Variants in RABL3 observed in about 807,000 individuals in gnomAD.
RABL3 encodes rab-like protein 3.
Under a neutral mutation model 31.8 loss-of-function variants are expected in RABL3, and 31 were observed. The observed-to-expected ratio is 0.97, with a 90% CI of 0.73 to 1.31. The LOEUF is 1.31. Ranked by LOEUF, RABL3 falls within the 40% of genes most tolerant of loss-of-function variation. The probability of loss-of-function intolerance (pLI) is 0.00; values close to 1 mark genes in which losing one functional copy is unlikely to be tolerated. For missense variants in RABL3, 263 were observed against 279.6 expected (o/e 0.94, Z 0.42); for synonymous variants, 97 against 99.9 (o/e 0.97, Z 0.18).
At chr3:120,719,018 G>A (rs188979798) in intron 2 of RABL3, among the ~76,000 whole-genome samples, 50 of 152,228 alleles carry the variant, frequency 3.3e-4, no homozygotes, top group Admixed American at 2.9e-3. Context: ...CACACTTACT[G>A]TTGGAGATTA....
chr3:120,705,845 A>C (rs1708541765), intron 4 of RABL3, among the ~76,000 whole-genome samples, 155 bp downstream of exon 4: 1 of 152,224 alleles, frequency 6.6e-6, no homozygotes, highest in Non-Finnish European at 1.5e-5. Flanking sequence ...CAAAATGAAA[A>C]CTATTGCTTT....
chr3:120,733,358 CTTCTT>C (rs1328779009), intron 1 of RABL3, among the ~76,000 whole-genome samples: 2 of 152,048 alleles, frequency 1.3e-5, no homozygotes, highest in African/African-American at 4.8e-5. Flanking sequence ...GCATAAATGT[CTTCTT>C]TTGAGAAGTG....
chr3:120,742,400 G>T lies in RABL3; in HGVS notation c.46+62C>A, dbSNP rs368296734. 1.4e-4 allele frequency: 206 copies of T among 1,506,124 alleles called. 2 individuals are homozygous for T. The African/African-American group carries it at 2.5e-3, about 18-fold the overall frequency. 93.3% of individuals were successfully genotyped at this position (1,506,124 alleles called of 1,614,324 possible). A position where few individuals can be genotyped will look rare whatever the true frequency, so the allele number is the denominator to read the frequency against. ...CAGGAAGTTGAGGGAAGGAAGCTAA[G>T]GGGAGGGTTACTGGGTAACTCAAAA... On this transcript the variant is annotated intron_variant, in intron 1 of 7. Coordinates refer to ENST00000273375, the MANE Select transcript of RABL3 (RefSeq NM_173825.5).
intron 2 of RABL3, among the ~76,000 whole-genome samples, chr3:120,727,913 G>A (rs1251529358): frequency 6.6e-6 from 1 of 152,098 alleles, no homozygotes; most frequent in Non-Finnish European, 1.5e-5. Flanking sequence ...ATTGTAATAG[G>A]AATAGAAGGA....
chr3:120,716,702 T>C (rs1410713203), intron 2 of RABL3, among the ~76,000 whole-genome samples: 1 of 152,054 alleles, frequency 6.6e-6, no homozygotes, highest in Non-Finnish European at 1.5e-5. Flanking sequence ...TCTACACTAA[T>C]TCTGGAGATC....
rs185691032 is a variant in RABL3, at chr3:120,720,311, G to A, written c.138+10385C>T. Among the ~76,000 whole-genome samples the A allele has an allele frequency of 3.3e-3, 501 of 152,288 alleles. 2 individuals carry two copies. The highest frequency in any genetic ancestry group is 0.011 in the African/African-American group (466 of 41,566). On this transcript the variant is annotated intron_variant, in intron 2 of 7. Coordinates refer to ENST00000273375, the MANE Select transcript of RABL3 (RefSeq NM_173825.5). ...CTCCAAAGGAACGCAGCTCATCACCGACAATGGAGCAAAGCTGGATGGAGA... is the reference window on the plus strand; with the variant it reads ...CTCCAAAGGAACGCAGCTCATCACCAACAATGGAGCAAAGCTGGATGGAGA...
chr3:120,699,621 T>A (rs994352214), intron 4 of RABL3, among the ~76,000 whole-genome samples: 51 of 152,196 alleles, frequency 3.4e-4, no homozygotes, highest in African/African-American at 1.2e-3. Context: ...ATAGCTTTTT[T>A]TCTTCCTTTA....
intron 3 of RABL3, among the ~76,000 whole-genome samples, chr3:120,708,076 A>G (rs912040630): frequency 6.6e-6 from 1 of 152,060 alleles, no homozygotes; most frequent in Non-Finnish European, 1.5e-5. Flanking sequence ...GTGCATTTGG[A>G]TAGAGTGATC....
chr3:120,699,012 G>A (rs548870790), intron 4 of RABL3, among the ~76,000 whole-genome samples: 4 of 152,158 alleles, frequency 2.6e-5, no homozygotes, highest in Admixed American at 6.5e-5. Context: ...CAAGCCTTGT[G>A]CTAGAAGAGA....
intron 5 of RABL3, among the ~76,000 whole-genome samples, chr3:120,695,677 T>C (rs1474584813): frequency 6.6e-6 from 1 of 152,142 alleles, no homozygotes; most frequent in East Asian, 1.9e-4. Flanking sequence ...TTTGAAATAG[T>C]GTTTGAACAC....
chr3:120,718,365 T>C (rs989558301), intron 2 of RABL3, among the ~76,000 whole-genome samples: 1 of 152,196 alleles, frequency 6.6e-6, no homozygotes, highest in South Asian at 2.1e-4. Context: ...AAATCTGCCT[T>C]CTTTAGATGC....
chr3:120,690,589 G>T, intron 6 of RABL3, 102 bp from the exon 7 acceptor site: 1 of 785,758 alleles, frequency 1.3e-6, no homozygotes, highest in South Asian at 1.6e-5. Context: ...TCCAAACTAA[G>T]AATCTTTTCC....
rs1277999263 is a variant in RABL3, at chr3:120,685,585, C to T, written c.*4238G>A. On this transcript the variant is annotated 3_prime_UTR_variant, in exon 8 of 8. Transcript: ENST00000273375. The stretch of plus-strand genomic sequence containing the variant: ...GAAAGACAAATACTTGTTTTGCCAA[C>T]AGAAGACATGACAATCATCTCATGT... Among the ~76,000 whole-genome samples the T allele has an allele frequency of 1.3e-5, 2 of 152,172 alleles. No individual in the cohort carries two copies. Among genetic ancestry groups the T allele is most frequent in the Non-Finnish European group, 2.9e-5 (2 of 68,030 alleles).
intron 4 of RABL3, among the ~76,000 whole-genome samples, chr3:120,705,711 A>G (rs1007232940): frequency 1.3e-5 from 2 of 152,198 alleles, no homozygotes; most frequent in Non-Finnish European, 2.9e-5. Flanking sequence ...AAAATGTAAA[A>G]CCATAAAATC....
chr3:120,700,903 T>A (rs986525436), intron 4 of RABL3, among the ~76,000 whole-genome samples: 2 of 152,086 alleles, frequency 1.3e-5, no homozygotes, highest in African/African-American at 4.8e-5. Context: ...TTAAAAAAAG[T>A]TATTGTGGTA....
chr3:120,723,498 AAG>A (rs1224093523), intron 2 of RABL3, among the ~76,000 whole-genome samples: 4 of 152,210 alleles, frequency 2.6e-5, no homozygotes, highest in Admixed American at 2.0e-4. Context: ...ACAACAAAAA[AAG>A]AGAATTTTTG....
chr3:120,685,494 A>C lies in RABL3; in HGVS notation c.*4329T>G, dbSNP rs750486503. 4.2e-4 allele frequency among the ~76,000 whole-genome samples: 63 copies of C among 148,862 alleles called. No homozygotes were observed. Among genetic ancestry groups the C allele is most frequent in the Middle Eastern group, 7.0e-3 (2 of 286 alleles). ...GGCAAGGCACTGGTTAGAAATAAAT[A>C]TATTTGGATTAAAAACAGAACCCAG... On this transcript the variant is annotated 3_prime_UTR_variant, in exon 8 of 8. Coordinates refer to ENST00000273375, the MANE Select transcript of RABL3 (RefSeq NM_173825.5).
At chr3:120,742,433 G>A (rs1709057675) in intron 1 of RABL3, 29 bp downstream of exon 1, 3 of 1,611,214 alleles carry the variant, frequency 1.9e-6, no homozygotes, top group South Asian at 1.1e-5. Context: ...AAAGTGTCTG[G>A]AGCCCCAGAG....
chr3:120,719,715 G>C (rs1289116106), intron 2 of RABL3, among the ~76,000 whole-genome samples: 1 of 152,214 alleles, frequency 6.6e-6, no homozygotes, highest in Non-Finnish European at 1.5e-5. Flanking sequence ...CTCGAACTGG[G>C]TGGAGCCCAC....
Sources: gnomAD v4.1 joint callset for allele counts (sites outside exome capture counted in the v4.1 genomes callset) on GRCh38, gnomAD v4.1.1 for gene constraint, MANE v1.5 for transcripts, NCBI Gene and HGNC (gene_info 2026-07-23, HGNC 2026-07-21) for gene names.